ILDR2: variants seen among roughly 807,000 people sequenced by gnomAD.
The protein encoded by ILDR2 is immunoglobulin-like domain-containing receptor 2.
ILDR2 carries 25 observed loss-of-function variants against 66.8 expected under a neutral mutation model. The ratio of observed to expected loss-of-function variants is 0.37; its 90% CI spans 0.27 to 0.52. The LOEUF (loss-of-function observed/expected upper bound fraction) is 0.52. Ranked by LOEUF, ILDR2 falls within the 20% of genes least tolerant of loss-of-function variation. ILDR2 has a pLI of 0.88. For missense variants in ILDR2, 827 were observed against 876.8 expected (o/e 0.94, Z 0.72); for synonymous variants, 367 against 357.2 (o/e 1.03, Z -0.31).
chr1:166,913,127 C>A lies in ILDR2; in HGVS notation c.*6228G>T, dbSNP rs2101828719. ...AGAGAAGGACATGTATCATATGATT[C>A]TTTCTCTTGCTGAGGCCATTTAATG... On this transcript the variant is annotated 3_prime_UTR_variant, in exon 10 of 10. Coordinates refer to ENST00000271417, the MANE Select transcript of ILDR2 (RefSeq NM_199351.3). 6.6e-6 allele frequency: 1 copy of A among 152,312 alleles called. No individual in the cohort carries two copies. Among genetic ancestry groups the A allele is most frequent in the South Asian group, 2.1e-4 (1 of 4,822 alleles). 9.4% of individuals were successfully genotyped at this position (152,312 alleles called of 1,614,324 possible).
At position 166,921,237 on chromosome 1, in the gene ILDR2, G is replaced by A. The variant is rs762808738; in HGVS notation, c.1354C>T (p.Arg452Trp). 6 of 1,595,450 alleles carry A rather than the reference G, an allele frequency of 3.8e-6. No homozygotes were observed. Among genetic ancestry groups the A allele is most frequent in the Non-Finnish European group, 4.3e-6 (5 of 1,176,062 alleles). The change falls in exon 9 of 10, where the codon CGG (arginine) becomes TGG (tryptophan). Residue 452 changes from arginine (R) to tryptophan (W), a missense_variant. Arg to Trp is a moderately radical substitution (Grantham distance 101). This residue lies in a region of ILDR2 where 390 missense variants were observed against 353.6 expected (regional missense o/e 1.10). Transcript: ENST00000271417. The surrounding 1 kb of genome is among the most constrained non-coding windows in gnomAD (Gnocchi z 5.3). Reference protein sequence around the residue: ...RRADGNSHEARGGSRFERSES... With the variant: ...RRADGNSHEAWGGSRFERSES... ...GAGCGCTCGAAGCGGCTCCCGCCCC[G>A]CGCCTCGTGACTGTTGCCGTCTGCC...
intron 7 of ILDR2, among the ~76,000 whole-genome samples, chr1:166,924,595 A>G (rs2101865772): frequency 6.6e-6 from 1 of 152,316 alleles, no homozygotes; most frequent in South Asian, 2.1e-4. Flanking sequence ...CAGAGAGTAA[A>G]TATTTTAGGT....
intron 6 of ILDR2, among the ~76,000 whole-genome samples, chr1:166,928,753 C>G (rs1335985369): frequency 6.6e-6 from 1 of 152,160 alleles, no homozygotes; most frequent in Non-Finnish European, 1.5e-5. Context: ...CCCACACACC[C>G]ATTTGCAGGT....
At position 166,916,999 on chromosome 1, in the gene ILDR2, A is replaced by G. The variant is rs553395833; in HGVS notation, c.*2356T>C. The G allele has an allele frequency of 3.3e-5, 5 of 152,350 alleles. No individual in the cohort carries two copies. Among genetic ancestry groups the G allele is most frequent in the Non-Finnish European group, 5.9e-5 (4 of 68,038 alleles). 9.4% of individuals were successfully genotyped at this position (152,350 alleles called of 1,614,324 possible). A position where few individuals can be genotyped will look rare whatever the true frequency, so the allele number is the denominator to read the frequency against. On this transcript the variant is annotated 3_prime_UTR_variant, in exon 10 of 10. Coordinates refer to ENST00000271417, the MANE Select transcript of ILDR2 (RefSeq NM_199351.3). ...CGATAATAGCTACCACAGCTACCCA[A>G]TATTCTCCAAAATTGCCTGAGCAAG... is the stretch of plus-strand genomic sequence containing the variant.
At chr1:166,928,784 A>C (rs912856556) in intron 6 of ILDR2, among the ~76,000 whole-genome samples, 16 of 152,228 alleles carry the variant, frequency 1.1e-4, no homozygotes, top group African/African-American at 3.9e-4. Context: ...TCTATATGAG[A>C]ATATACTGGG....
At chr1:166,926,477 A>G (rs1279985941) in intron 7 of ILDR2, among the ~76,000 whole-genome samples, 1 of 151,898 alleles carries the variant, frequency 6.6e-6, no homozygotes, top group East Asian at 2.0e-4. Flanking sequence ...ATCTTCGAGG[A>G]GCAACAACCT....
At chr1:166,928,283 C>G (rs1433500758) in intron 6 of ILDR2, among the ~76,000 whole-genome samples, 2 of 152,124 alleles carry the variant, frequency 1.3e-5, no homozygotes, top group Non-Finnish European at 2.9e-5. Context: ...TCATAACTTG[C>G]CCAGGAAAAA....
chr1:166,953,162 CT>C (rs1172647064), intron 3 of ILDR2, among the ~76,000 whole-genome samples: 4 of 152,144 alleles, frequency 2.6e-5, no homozygotes, highest in African/African-American at 9.7e-5. Flanking sequence ...TGAAGAGCCC[CT>C]GGTCTCAAAA....
At chr1:166,899,016 C>T (rs1659217119) in intron 2 of ILDR2, among the ~76,000 whole-genome samples, 1 of 151,974 alleles carries the variant, frequency 6.6e-6, no homozygotes, top group Admixed American at 6.6e-5. Context: ...GCCATGATTG[C>T]CCCACTGCAT....
intron 1 of ILDR2, among the ~76,000 whole-genome samples, chr1:166,961,350 A>G (rs1354057475): frequency 1.3e-5 from 2 of 152,214 alleles, no homozygotes; most frequent in African/African-American, 4.8e-5. Context: ...CACTTGAGCA[A>G]GCCACTGGAC....
chr1:166,896,933 C>G (rs1384674735), intron 2 of ILDR2, among the ~76,000 whole-genome samples: 1 of 152,154 alleles, frequency 6.6e-6, no homozygotes, highest in African/African-American at 2.4e-5. Flanking sequence ...CCATGCCCAG[C>G]CTACTTTTTT....
chr1:166,897,031 A>G (rs61374522), intron 2 of ILDR2, among the ~76,000 whole-genome samples: 2 of 152,324 alleles, frequency 1.3e-5, no homozygotes, highest in South Asian at 2.1e-4. Context: ...GCTATACGCA[A>G]TTGGGAACCA....
At chr1:166,897,216 T>C (rs1023415935) in intron 2 of ILDR2, among the ~76,000 whole-genome samples, 3 of 152,164 alleles carry the variant, frequency 2.0e-5, no homozygotes, top group Admixed American at 6.5e-5. Flanking sequence ...ACAGTGTCAG[T>C]AGAGATGGAA....
In ILDR2 at chr1:166,919,517, C is replaced by CTTTCA. The variant is rs1659775305; in HGVS notation, c.1885-132_1885-128dup. 5 of 747,080 alleles carry CTTTCA rather than the reference C, an allele frequency of 6.7e-6. No homozygotes were observed. The East Asian group carries it at 1.1e-4, about 16-fold the overall frequency. The allele number at this position is 747,080 out of a possible 1,614,324, so 46.3% of individuals were successfully genotyped here. A position where few individuals can be genotyped will look rare whatever the true frequency, so the allele number is the denominator to read the frequency against. On this transcript the variant is annotated intron_variant, in intron 9 of 9. Transcript: ENST00000271417. ...GCCAGGCACCCCTGATTCTCAGAACCTTTCATTAGACCTGTGATGGTTGAT... is the reference window on the plus strand; with the variant it reads ...GCCAGGCACCCCTGATTCTCAGAACCTTTCATTTCATTAGACCTGTGATGGTTGAT...
chr1:166,934,298 C>T (rs1227254970), intron 6 of ILDR2, among the ~76,000 whole-genome samples: 1 of 152,172 alleles, frequency 6.6e-6, no homozygotes, highest in Non-Finnish European at 1.5e-5. Flanking sequence ...CCACTTATTT[C>T]AATTCTGTCT....
intron 1 of ILDR2, among the ~76,000 whole-genome samples, chr1:166,961,771 C>T (rs1280505215): frequency 1.3e-5 from 2 of 152,170 alleles, no homozygotes; most frequent in African/African-American, 2.4e-5. Context: ...CCTAGAGCTA[C>T]GCAAGTACAG....
At chr1:166,955,137 C>A (rs533926137) in intron 3 of ILDR2, among the ~76,000 whole-genome samples, 3 of 152,272 alleles carry the variant, frequency 2.0e-5, no homozygotes, top group African/African-American at 7.2e-5. Flanking sequence ...TCCCTATGTT[C>A]TTTACAATGT....
At position 166,912,350 on chromosome 1, in the gene ILDR2, G is replaced by A. The variant is rs1286805109; in HGVS notation, c.*7005C>T. On this transcript the variant is annotated 3_prime_UTR_variant, in exon 10 of 10. Coordinates refer to ENST00000271417, the MANE Select transcript of ILDR2 (RefSeq NM_199351.3). ...AGTATCCTACCAACAAATCATTACT[G>A]AAGTAAACTTCCTTCAGAAAGAAAA... The A allele has an allele frequency of 1.3e-5, 2 of 152,016 alleles. No homozygotes were observed. The highest frequency in any genetic ancestry group is 4.8e-5 in the African/African-American group (2 of 41,384). 9.4% of individuals were successfully genotyped at this position (152,016 alleles called of 1,614,324 possible).
intron 6 of ILDR2, among the ~76,000 whole-genome samples, chr1:166,930,523 A>G (rs1660575218): frequency 6.6e-6 from 1 of 152,182 alleles, no homozygotes; most frequent in Non-Finnish European, 1.5e-5. Context: ...AAGCTATTGG[A>G]CTTTTTAAAA....
Sources: gnomAD v4.1 joint callset for allele counts (sites outside exome capture counted in the v4.1 genomes callset) on GRCh38, gnomAD v4.1.1 for gene constraint, gnomAD v4.1.1 regional missense constraint, Gnocchi (gnomAD v3.1) non-coding constraint, MANE v1.5 for transcripts, NCBI Gene and HGNC (gene_info 2026-07-23, HGNC 2026-07-21) for gene names.